The following LYST variants were observed in gnomAD, a reference collection of about 807,000 sequenced individuals.
The protein encoded by LYST is lysosomal-trafficking regulator.
In LYST, 192 loss-of-function variants were observed where a neutral mutation model predicts 413.6. The ratio of observed to expected loss-of-function variants is 0.46; its 90% CI spans 0.41 to 0.52. The LOEUF (loss-of-function observed/expected upper bound fraction) is 0.52, where lower values mean the gene tolerates loss of function less well. LYST is among the 20% of genes least tolerant of loss of function. The probability of loss-of-function intolerance (pLI) is 0.00; values close to 1 mark genes in which losing one functional copy is unlikely to be tolerated. For missense variants in LYST, 3,815 were observed against 4,499.9 expected, an observed-to-expected ratio of 0.85 and a Z score of 4.35; for synonymous variants, 1,525 against 1,567.3, an observed-to-expected ratio of 0.97 and a Z score of 0.64.
In LYST at chr1:235,845,653, G is replaced by A. The variant is rs183861505; in HGVS notation, c.-97-11986C>T. Among the ~76,000 whole-genome samples the A allele has an allele frequency of 1.5e-3, 234 of 152,044 alleles. 2 individuals are homozygous for A. The highest frequency in any genetic ancestry group is 5.4e-3 in the African/African-American group (224 of 41,412). Reference sequence around the variant, plus strand: ...GACTCCCGGCAGTTAGGGGGGACACGGTGGGAGTGAGAGTGGCCCTTCTGT... The same window carrying A: ...GACTCCCGGCAGTTAGGGGGGACACAGTGGGAGTGAGAGTGGCCCTTCTGT... On this transcript the variant is annotated intron_variant, in intron 1 of 52. Transcript: ENST00000389793.
chr1:235,856,931 G>C (rs1322061561), intron 1 of LYST, among the ~76,000 whole-genome samples: 3 of 144,704 alleles, frequency 2.1e-5, no homozygotes, highest in Middle Eastern at 3.3e-3. Context: ...AGTTACACAG[G>C]ATATACTGAT....
chr1:235,771,713 T>C (rs1668691418), intron 19 of LYST, among the ~76,000 whole-genome samples: 2 of 152,150 alleles, frequency 1.3e-5, no homozygotes, highest in Non-Finnish European at 2.9e-5. Context: ...TCCAGAAACA[T>C]GGCAATAGTT....
intron 19 of LYST, among the ~76,000 whole-genome samples, chr1:235,772,294 T>C (rs1395134437): frequency 1.3e-5 from 2 of 152,138 alleles, no homozygotes; most frequent in Non-Finnish European, 1.5e-5. Flanking sequence ...TTAGGGACTG[T>C]TGGCAAGTTG....
Position 235,787,208 on chromosome 1 carries a change from A to G in LYST, c.4854T>C (p.Ser1618=). Residue 1618 remains serine, a synonymous_variant, in exon 14 of 53, where the codon TCT becomes TCC. Transcript: ENST00000389793. ...RIHGKISIWV[S]GQRKPDVTLD... ...CTCAAAATGCTTCCTACCTCTGTCC[A>G]GAGACCCATATGGAGATTTTCCCAT... 6.2e-7 allele frequency: 1 copy of G among 1,613,380 alleles called. No homozygotes were observed. The highest frequency in any genetic ancestry group is 8.5e-7 in the Non-Finnish European group (1 of 1,179,394).
intron 24 of LYST, among the ~76,000 whole-genome samples, chr1:235,756,045 A>G (rs12125412): frequency 2.8e-5 from 4 of 143,210 alleles, no homozygotes; most frequent in South Asian, 2.1e-4. Context: ...ATCTATATCT[A>G]TATCTATATC....
intron 3 of LYST, among the ~76,000 whole-genome samples, chr1:235,817,292 A>G (rs1558295256): frequency 2.0e-5 from 3 of 152,212 alleles, no homozygotes; most frequent in African/African-American, 7.2e-5. Flanking sequence ...AAGTTAGTTC[A>G]GCTATTGTGG....
In LYST at chr1:235,663,056, G is replaced by A. The variant is rs771649407; in HGVS notation, c.11290C>T (p.His3764Tyr). 1.2e-6 allele frequency: 2 copies of A among 1,612,088 alleles called. No individual in the cohort carries two copies. Among genetic ancestry groups the A allele is most frequent in the East Asian group, 2.2e-5 (1 of 44,872 alleles). The stretch of plus-strand genomic sequence containing the variant: ...TCACTGTTTGCTGTGTACAAATGGT[G>A]GCCATCACAAGAAAATGTAAGGCTG... The part of the protein sequence containing the change: ...IISLTFSCDG[H>Y]HLYTANSDGT... Residue 3764 changes from histidine (H) to tyrosine (Y), a missense_variant, in exon 53 of 53, where the codon CAC (histidine) becomes TAC (tyrosine). This residue lies in a region of LYST where 866 missense variants were observed against 1,156.0 expected (regional missense o/e 0.75). Coordinates refer to ENST00000389793, the MANE Select transcript of LYST (RefSeq NM_000081.4).
chr1:235,802,721 A>C (rs1319876030), intron 8 of LYST, among the ~76,000 whole-genome samples, 187 bp downstream of exon 8: 1 of 152,216 alleles, frequency 6.6e-6, no homozygotes, highest in African/African-American at 2.4e-5. Context: ...GTTTGTGATA[A>C]CAAACTATAT....
rs1252373971 is a variant in LYST, at chr1:235,757,370, C to T, written c.6970G>A (p.Glu2324Lys). 1 of 1,613,540 alleles carries T rather than the reference C, an allele frequency of 6.2e-7. No individual in the cohort carries two copies. Among genetic ancestry groups the T allele is most frequent in the Non-Finnish European group, 8.5e-7 (1 of 1,179,720 alleles). The change falls in exon 24 of 53, where the codon GAA becomes AAA. Residue 2324 changes from glutamate (E) to lysine (K), a missense_variant. Physicochemically the swap from Glu to Lys is moderately conservative, Grantham distance 56. Transcript: ENST00000389793. ...TGAATAAGCTTGTCCATCACATCTT[C>T]AAGCAAAACATCAGGCAGGATAAGA... ...VLLILPDVLL[E>K]DVMDKLIQAD...
chr1:235,813,120 A>C (rs565674930), intron 3 of LYST, 59 bp from the exon 4 acceptor site: 10 of 997,260 alleles, frequency 1.0e-5, no homozygotes, highest in Admixed American at 5.2e-5. Flanking sequence ...ATCAGTTCCT[A>C]ATGTCTTGTC....
chr1:235,693,039 G>A (rs1660795236), intron 47 of LYST, among the ~76,000 whole-genome samples: 1 of 150,576 alleles, frequency 6.6e-6, no homozygotes, highest in African/African-American at 2.4e-5. Context: ...AAGTTGGCCA[G>A]GTGTGGTGGC....
intron 3 of LYST, among the ~76,000 whole-genome samples, chr1:235,824,809 C>A (rs1675150930): frequency 6.6e-6 from 1 of 152,084 alleles, no homozygotes; most frequent in Non-Finnish European, 1.5e-5. Context: ...ATCACGAGGT[C>A]AGGAGTTCAA....
At position 235,663,031 on chromosome 1, in the gene LYST, T is replaced by A; in HGVS notation, c.11315A>T (p.Asp3772Val). 1 of 1,614,030 alleles carries A rather than the reference T, an allele frequency of 6.2e-7. No individual in the cohort carries two copies. The highest frequency in any genetic ancestry group is 8.5e-7 in the Non-Finnish European group (1 of 1,179,992). ...CCGACACCAGGCAATCACGGTCCCATCACTGTTTGCTGTGTACAAATGGTG... is the reference window on the plus strand; with the variant it reads ...CCGACACCAGGCAATCACGGTCCCAACACTGTTTGCTGTGTACAAATGGTG... ...DGHHLYTANSDGTVIAWCRKD... is the reference protein window; with the variant it reads ...DGHHLYTANSVGTVIAWCRKD... The change falls in exon 53 of 53, where the codon GAT (aspartate) becomes GTT (valine). Residue 3772 changes from aspartate to valine, a missense_variant. Coordinates refer to ENST00000389793, the MANE Select transcript of LYST (RefSeq NM_000081.4).
intron 14 of LYST, among the ~76,000 whole-genome samples, chr1:235,783,228 T>C (rs1197270972): frequency 6.6e-6 from 1 of 152,120 alleles, no homozygotes; most frequent in Non-Finnish European, 1.5e-5. Context: ...AAGTTTTGCC[T>C]AAGGCTCTCT....
chr1:235,702,177 C>T (rs1053619243), intron 45 of LYST, among the ~76,000 whole-genome samples: 1 of 152,178 alleles, frequency 6.6e-6, no homozygotes, highest in African/African-American at 2.4e-5. Flanking sequence ...AGATTAAAAT[C>T]CACTTTAGCT....
chr1:235,706,248 C>T (rs1661978647), intron 44 of LYST, among the ~76,000 whole-genome samples: 1 of 152,176 alleles, frequency 6.6e-6, no homozygotes, highest in African/African-American at 2.4e-5. Context: ...ACAGCATGTG[C>T]ACGAAGGACT....
intron 36 of LYST, 24 bp from the exon 37 acceptor site, chr1:235,729,681 C>T (rs1664195500): frequency 9.8e-6 from 15 of 1,533,160 alleles, no homozygotes; most frequent in Non-Finnish European, 1.4e-5. Flanking sequence ...TTTAAAATTA[C>T]TATGACTAAA....
chr1:235,820,479 C>T (rs1674631406), intron 3 of LYST, among the ~76,000 whole-genome samples: 2 of 152,068 alleles, frequency 1.3e-5, no homozygotes. Flanking sequence ...AGGCGATCCT[C>T]CCGCCCCAGC....
At chr1:235,870,269 C>T (rs1367955235), upstream of LYST, among the ~76,000 whole-genome samples, 1 of 152,186 alleles carries the variant, frequency 6.6e-6, no homozygotes, top group Non-Finnish European at 1.5e-5. Flanking sequence ...TTTTTCTGTA[C>T]ATCATGAGCT....
Sources: allele counts gnomAD v4.1 joint callset (sites outside exome capture counted in the v4.1 genomes callset), GRCh38; gene constraint gnomAD v4.1.1; regional missense constraint gnomAD v4.1.1; transcripts MANE v1.5; gene names NCBI Gene and HGNC (gene_info 2026-07-23, HGNC 2026-07-21).